Variants in DLG2 observed in about 807,000 individuals in gnomAD.
DLG2 encodes the protein disks large homolog 2.
A neutral mutation model predicts 132.5 loss-of-function variants in DLG2; 45 were observed. The ratio of observed to expected loss-of-function variants is 0.34; its 90% CI spans 0.27 to 0.44. DLG2 has a LOEUF of 0.44. Among genes scored for constraint, DLG2 ranks in the 20% least tolerant of loss-of-function variants. The pLI, the probability that DLG2 is intolerant of heterozygous loss-of-function variation, is 1.00. For synonymous variants in DLG2, 424 were observed against 419.6 expected (o/e 1.01, Z -0.13); for missense variants, 1,045 against 1,196.9 (o/e 0.87, Z 1.87).
chr11:83,463,655 G>A (rs1467696860), intron 26 of DLG2, among the ~76,000 whole-genome samples: 2 of 152,204 alleles, frequency 1.3e-5, no homozygotes, highest in Admixed American at 1.3e-4. Flanking sequence ...GCTGGGTATG[G>A]TGGCACATAC....
rs970197468 is a variant in DLG2 at position 85,232,343 on chromosome 11, G to T, written c.186+52877C>A. 4.6e-5 allele frequency among the ~76,000 whole-genome samples: 7 copies of T among 151,928 alleles called. No individual in the cohort carries two copies. In the East Asian group the frequency reaches 1.4e-3, roughly 29 times the overall value. The stretch of plus-strand genomic sequence containing the variant: ...TTTTTATTTTCATCAAAATTTTGGA[G>T]TGAAATTAGTCCACTTCAGGTTATA... On this transcript the variant is annotated intron_variant, in intron 4 of 27. Coordinates refer to ENST00000376104, the MANE Select transcript of DLG2 (RefSeq NM_001142699.3).
chr11:85,133,773 G>C (rs962900430), intron 5 of DLG2, among the ~76,000 whole-genome samples: 3 of 151,996 alleles, frequency 2.0e-5, no homozygotes, highest in Non-Finnish European at 4.4e-5. Flanking sequence ...TTATTAAGTG[G>C]GCAGAGCTTT....
intron 7 of DLG2, among the ~76,000 whole-genome samples, chr11:84,390,523 A>G (rs913712502): frequency 2.0e-5 from 3 of 152,186 alleles, no homozygotes; most frequent in African/African-American, 7.2e-5. Flanking sequence ...GGGAGAGGTC[A>G]GGAAAAACTG....
At chr11:84,326,795 T>C (rs530917851) in intron 7 of DLG2, among the ~76,000 whole-genome samples, 2 of 152,294 alleles carry the variant, frequency 1.3e-5, no homozygotes, top group Admixed American at 6.5e-5. Context: ...GGATACTCTG[T>C]CCATTATTGA....
chr11:84,255,717 CT>C (rs2097457936), intron 7 of DLG2, among the ~76,000 whole-genome samples: 1 of 152,056 alleles, frequency 6.6e-6, no homozygotes, highest in Admixed American at 6.6e-5. Flanking sequence ...CTTTAATATG[CT>C]TTTTTCCATT....
intron 17 of DLG2, among the ~76,000 whole-genome samples, chr11:83,823,220 CCTT>C (rs1257467641): frequency 6.6e-6 from 1 of 152,090 alleles, no homozygotes; most frequent in Non-Finnish European, 1.5e-5. Flanking sequence ...GATGATCACT[CCTT>C]CTTTAAAACT....
chr11:84,260,658 C>T (rs2097538256), intron 7 of DLG2, among the ~76,000 whole-genome samples: 1 of 152,088 alleles, frequency 6.6e-6, no homozygotes, highest in African/African-American at 2.4e-5. Context: ...TTACAGAACC[C>T]CAGAAGGATT....
intron 6 of DLG2, among the ~76,000 whole-genome samples, chr11:84,775,727 C>T (rs1051869189): frequency 1.3e-5 from 2 of 152,064 alleles, no homozygotes; most frequent in Non-Finnish European, 2.9e-5. Flanking sequence ...CAACAATAGA[C>T]ACTGGGTACT....
At chr11:84,112,568 C>T (rs191867705) in intron 9 of DLG2, among the ~76,000 whole-genome samples, 11 of 151,340 alleles carry the variant, frequency 7.3e-5, no homozygotes, top group East Asian at 5.8e-4. Flanking sequence ...TTTTTTCTGG[C>T]GGTGTGCACT....
intron 18 of DLG2, among the ~76,000 whole-genome samples, chr11:83,775,068 C>G (rs2094531887): frequency 6.6e-6 from 1 of 152,190 alleles, no homozygotes; most frequent in African/African-American, 2.4e-5. Flanking sequence ...TAGCCCGCAT[C>G]TGCTCCTAAT....
intron 7 of DLG2, among the ~76,000 whole-genome samples, chr11:84,436,150 G>A (rs2099000091): frequency 6.6e-6 from 1 of 152,106 alleles, no homozygotes; most frequent in East Asian, 1.9e-4. Flanking sequence ...TATATAGAGT[G>A]GAGAAGAGAC....
chr11:85,452,624 G>C (rs2092286809), intron 3 of DLG2: 1 of 200,916 alleles, frequency 5.0e-6, no homozygotes, highest in Non-Finnish European at 1.1e-5. Context: ...TTGGGAGGAT[G>C]TGGACCATCT....
At chr11:84,695,079 G>A (rs188449026) in intron 6 of DLG2, among the ~76,000 whole-genome samples, 4 of 151,366 alleles carry the variant, frequency 2.6e-5, no homozygotes, top group African/African-American at 7.3e-5. Flanking sequence ...AATATGCTTC[G>A]GTAAAATGGT....
At chr11:83,873,100 A>G (rs1227403169) in intron 16 of DLG2, among the ~76,000 whole-genome samples, 5 of 152,318 alleles carry the variant, frequency 3.3e-5, no homozygotes, top group South Asian at 2.1e-4. Flanking sequence ...CTCCACCTCA[A>G]TAAAGTCTTT....
rs145062356 is a variant in DLG2 at position 83,920,458 on chromosome 11, T to C, written c.1496+9870A>G. Among the ~76,000 whole-genome samples, 43 of 152,262 alleles carry C rather than the reference T, an allele frequency of 2.8e-4. 1 individual carries two copies. The East Asian group carries it at 6.0e-3, about 21-fold the overall frequency. ...GCAGGCTTGCACAGCCCTTCCCCCA[T>C]ACTGCCAACCCTACCATTCATCTCC... On this transcript the variant is annotated intron_variant, in intron 15 of 27. Transcript: ENST00000376104.
intron 19 of DLG2, among the ~76,000 whole-genome samples, chr11:83,580,644 A>C (rs1434812362): frequency 6.6e-6 from 1 of 152,212 alleles, no homozygotes; most frequent in African/African-American, 2.4e-5. Flanking sequence ...ATTGGGTGAT[A>C]TATTTGTCTA....
chr11:83,863,375 ACTAT>A lies in DLG2; in HGVS notation c.1565+11041_1565+11044del, dbSNP rs562419041. On this transcript the variant is annotated intron_variant, in intron 16 of 27. Coordinates refer to ENST00000376104, the MANE Select transcript of DLG2 (RefSeq NM_001142699.3). ...TTTCTAAATGAGGCTTACTCACTCC[ACTAT>A]CTGTTTCTTTACCATGTGCTGTGTT... is the stretch of plus-strand genomic sequence containing the variant. Among the ~76,000 whole-genome samples, 5 of 152,232 alleles carry A rather than the reference ACTAT, an allele frequency of 3.3e-5. No homozygotes were observed. The East Asian group carries it at 7.7e-4, about 24-fold the overall frequency.
chr11:83,527,302 T>C (rs994215137), intron 21 of DLG2, among the ~76,000 whole-genome samples: 1 of 152,334 alleles, frequency 6.6e-6, no homozygotes, highest in Middle Eastern at 3.4e-3. Context: ...AAGCATGCTA[T>C]AGTAAGCAGA....
At chr11:83,734,880 A>G (rs2091679567) in intron 18 of DLG2, among the ~76,000 whole-genome samples, 1 of 151,814 alleles carries the variant, frequency 6.6e-6, no homozygotes, top group South Asian at 2.1e-4. Context: ...ATACATTAAT[A>G]TTATATATAT....
Sources: allele counts gnomAD v4.1 joint callset (sites outside exome capture counted in the v4.1 genomes callset), GRCh38; gene constraint gnomAD v4.1.1; transcripts MANE v1.5; gene names NCBI Gene and HGNC (gene_info 2026-07-23, HGNC 2026-07-21).